The following TTN variants were observed in gnomAD, a reference collection of about 807,000 sequenced individuals.
The protein encoded by TTN is titin.
TTN carries 1,525 observed loss-of-function variants against 3,223.0 expected under a neutral mutation model. The ratio of observed to expected loss-of-function variants is 0.47; its 90% CI spans 0.45 to 0.49. The LOEUF (loss-of-function observed/expected upper bound fraction) is 0.49. TTN is among the 20% of genes least tolerant of loss of function. The pLI is 0.00. For missense variants in TTN, 40,786 were observed against 43,424.0 expected (o/e 0.94, Z 5.40); for synonymous variants, 14,094 against 15,161.0 (o/e 0.93, Z 5.17).
chr2:178,745,271 G>C, intron 47 of TTN: 3 of 1,182,944 alleles, frequency 2.5e-6, no homozygotes, highest in Non-Finnish European at 3.2e-6. Flanking sequence ...CCATTCCACT[G>C]AAACACTTTG....
In TTN at chr2:178,732,105, C is replaced by A. The variant is rs1212075565; in HGVS notation, c.16864G>T (p.Ala5622Ser). 11 of 1,612,596 alleles carry A rather than the reference C, an allele frequency of 6.8e-6. No individual in the cohort carries two copies. The highest frequency in any genetic ancestry group is 2.2e-5 in the East Asian group (1 of 44,864). ...GEYMCEAQNEAGSDHCSSIVI... is the reference protein window; with the variant it reads ...GEYMCEAQNESGSDHCSSIVI... Reference sequence around the variant, plus strand: ...ATGCTACTGCAGTGGTCACTGCCAGCCTCATTTTGGGCCTCACACATATAT... The same window carrying A: ...ATGCTACTGCAGTGGTCACTGCCAGACTCATTTTGGGCCTCACACATATAT... Residue 5622 changes from alanine to serine, a missense_variant, in exon 57 of 363, where the codon GCT becomes TCT. Transcript: ENST00000589042.
chr2:178,622,739 G>A lies in TTN; in HGVS notation c.44844C>T (p.Leu14948=). 1 of 1,604,806 alleles carries A rather than the reference G, an allele frequency of 6.2e-7. No individual in the cohort carries two copies. Among genetic ancestry groups the A allele is most frequent in the East Asian group, 2.3e-5 (1 of 44,368 alleles). ...VPPHVEFLRP[L]TDLQVREKEM... ...CTTTTTCTCTAACTTGAAGGTCGGT[G>A]AGTGGTCTTAAGAATTCCACATGAG... Residue 14948 remains leucine (L), a synonymous_variant, in exon 243 of 363, where the codon CTC becomes CTT. Coordinates refer to ENST00000589042, the MANE Select transcript of TTN (RefSeq NM_001267550.2).
At position 178,576,514 on chromosome 2, in the gene TTN, AAGAC is replaced by A. The variant is rs1300822971; in HGVS notation, c.69715+11_69715+14del. 6.8e-6 allele frequency: 11 copies of A among 1,609,322 alleles called. No homozygotes were observed. The Admixed American group carries it at 1.9e-4, about 27-fold the overall frequency. ...CACTCTGGAATGAACGGTGTTGAAA[AAGAC>A]AAATACTAACATGCTGCATCTTTCA... On this transcript the variant is annotated intron_variant, in intron 325 of 362. Transcript: ENST00000589042. This position sits in a 1 kb window ranked among gnomAD's most constrained non-coding sequence, Gnocchi z 4.3.
intron 119 of TTN, among the ~76,000 whole-genome samples, chr2:178,693,372 G>C (rs2072923319): frequency 6.6e-6 from 1 of 151,956 alleles, no homozygotes; most frequent in South Asian, 2.1e-4. Context: ...CAAGTAACAG[G>C]TTACGAGATT....
rs748670245 is a variant in TTN, at chr2:178,569,888, A to G, written c.76244T>C (p.Ile25415Thr). 4 of 1,613,410 alleles carry G rather than the reference A, an allele frequency of 2.5e-6. No individual in the cohort carries two copies. Among genetic ancestry groups the G allele is most frequent in the South Asian group, 1.1e-5 (1 of 91,062 alleles). ...GAATACTGAAGATCTGGTTATGTCTATGACTTTGGGGTTGTTTGGGGGTCC... is the reference window on the plus strand; with the variant it reads ...GAATACTGAAGATCTGGTTATGTCTGTGACTTTGGGGTTGTTTGGGGGTCC... ...KPGPPNNPKVIDITRSSVFLS... is the reference protein window; with the variant it reads ...KPGPPNNPKVTDITRSSVFLS... Residue 25415 changes from isoleucine (I) to threonine (T), a missense_variant, in exon 326 of 363, where the codon ATA (isoleucine) becomes ACA (threonine). Coordinates refer to ENST00000589042, the MANE Select transcript of TTN (RefSeq NM_001267550.2).
In TTN at chr2:178,702,474, T is replaced by C; in HGVS notation, c.30413A>G (p.Asn10138Ser). The C allele has an allele frequency of 6.2e-7, 1 of 1,613,908 alleles. No individual in the cohort carries two copies. Among genetic ancestry groups the C allele is most frequent in the South Asian group, 1.1e-5 (1 of 91,078 alleles). ...DGRCHYMTIH[N>S]VTPDDEGVYS... ...ATCACCTTCATCGTCTGGGGTCACA[T>C]TGTGGATGGTCATATAATGGCAGCG... The change falls in exon 107 of 363, where the codon AAT becomes AGT. Residue 10138 changes from asparagine (N) to serine (S), a missense_variant. Coordinates refer to ENST00000589042, the MANE Select transcript of TTN (RefSeq NM_001267550.2).
chr2:178,601,697 C>A lies in TTN; in HGVS notation c.55393G>T (p.Ala18465Ser), dbSNP rs899078606. 3.0e-5 allele frequency: 48 copies of A among 1,608,384 alleles called. No individual in the cohort carries two copies. The highest frequency in any genetic ancestry group is 4.0e-5 in the Non-Finnish European group (47 of 1,178,250). The change falls in exon 286 of 363, where the codon GCA becomes TCA. Residue 18465 changes from alanine to serine, a missense_variant. Transcript: ENST00000589042. ...GKYSITAKNKAGQKTANCRVK... is the reference protein window; with the variant it reads ...GKYSITAKNKSGQKTANCRVK... ...CTGCAATTTGCAGTCTTTTGTCCTG[C>A]TTTATTCTTGGCTGTGATGCTGTAT...
intron 49 of TTN, among the ~76,000 whole-genome samples, chr2:178,737,127 G>A (rs1260770250): frequency 6.6e-6 from 1 of 151,632 alleles, no homozygotes; most frequent in Non-Finnish European, 1.5e-5. Context: ...GAGGGAAGGA[G>A]GGAAGGAAGG....
chr2:178,587,306 A>T lies in TTN; in HGVS notation c.63905T>A (p.Ile21302Asn), dbSNP rs1228375240. ...NDGGSQVTHY[I>N]VEKREADRKT... Reference sequence around the variant, plus strand: ...TCTGTCTGCCTCACGTTTCTCCACGATATAATGTGTCACTTGGCTCCCACC... The same window carrying T: ...TCTGTCTGCCTCACGTTTCTCCACGTTATAATGTGTCACTTGGCTCCCACC... The change falls in exon 307 of 363, where the codon ATC becomes AAC. Residue 21302 changes from isoleucine (I) to asparagine (N), a missense_variant. Transcript: ENST00000589042. The T allele has an allele frequency of 6.2e-7, 1 of 1,612,896 alleles. No homozygotes were observed. The highest frequency in any genetic ancestry group is 8.5e-7 in the Non-Finnish European group (1 of 1,179,464).
chr2:178,777,303 C>A lies in TTN; in HGVS notation c.4660G>T (p.Val1554Leu). 1 of 1,613,798 alleles carries A rather than the reference C, an allele frequency of 6.2e-7. No individual in the cohort carries two copies. The highest frequency in any genetic ancestry group is 8.5e-7 in the Non-Finnish European group (1 of 1,179,934). Residue 1554 changes from valine (V) to leucine (L), a missense_variant, in exon 27 of 363, where the codon GTA (valine) becomes TTA (leucine). Val to Leu is a conservative substitution (Grantham distance 32). Coordinates refer to ENST00000589042, the MANE Select transcript of TTN (RefSeq NM_001267550.2). ...AGTTTTTCTACAAACATCGGTTTTA[C>A]CTGATGTTCCACAGCTGAAAGAGAA... ...ILTVEAVEHQVKPMFVEKLKN... is the reference protein window; with the variant it reads ...ILTVEAVEHQLKPMFVEKLKN...
chr2:178,698,603 A>G (rs762998420), intron 112 of TTN, among the ~76,000 whole-genome samples: 4 of 152,188 alleles, frequency 2.6e-5, no homozygotes, highest in Non-Finnish European at 5.9e-5. Flanking sequence ...AGAAATAACC[A>G]GAATACACTG....
At chr2:178,723,350 T>TAAACACAAGAA in intron 74 of TTN, 26 bp from the exon 75 acceptor site, 1 of 1,605,318 alleles carries the variant, frequency 6.2e-7, no homozygotes, top group Non-Finnish European at 8.5e-7. Context: ...GCACAGCAGT[T>TAAACACAAGAA]AAACACAAGA....
intron 210 of TTN, 107 bp downstream of exon 210, chr2:178,650,057 G>T: frequency 7.6e-7 from 1 of 1,317,164 alleles, no homozygotes. Context: ...AATGTAGTCA[G>T]ATTTCAGGCA....
Position 178,588,200 on chromosome 2 carries a change from G to GGTTGGTGT in TTN, c.63206_63207insACACCAAC (p.Asn21070HisfsTer15). On this transcript the variant is annotated frameshift_variant, in exon 305 of 363. Coordinates refer to ENST00000589042, the MANE Select transcript of TTN (RefSeq NM_001267550.2). LOFTEE classifies it high-confidence loss of function. The stretch of plus-strand genomic sequence containing the variant: ...TGGTTGTATCAACCACTCTGAAATT[G>GGTTGGTGT]GTTGGTGGACCAGGTGGCTCTGAAA... The GGTTGGTGT allele has an allele frequency of 6.3e-7, 1 of 1,580,274 alleles. No homozygotes were observed. The highest frequency in any genetic ancestry group is 8.6e-7 in the Non-Finnish European group (1 of 1,158,568).
intron 79 of TTN, 70 bp from the exon 80 acceptor site, chr2:178,720,733 A>G (rs2078225090): frequency 2.8e-6 from 4 of 1,452,196 alleles, no homozygotes; most frequent in Non-Finnish European, 3.6e-6. Context: ...TTAAATCTAG[A>G]ACCTTGAAGA....
chr2:178,751,565 C>G, intron 47 of TTN: 1 of 1,613,208 alleles, frequency 6.2e-7, no homozygotes, highest in Non-Finnish European at 8.5e-7. Flanking sequence ...CCGTTCTGCT[C>G]TTTTCAGAAA....
chr2:178,578,243 T>C, intron 321 of TTN, 58 bp from the exon 322 acceptor site: 5 of 1,437,224 alleles, frequency 3.5e-6, no homozygotes, highest in Non-Finnish European at 4.8e-6. Context: ...ACAATATATA[T>C]GTGTTGCCCA....
chr2:178,777,789 A>G lies in TTN; in HGVS notation c.4395T>C (p.Ser1465=), dbSNP rs2092385919. Reference sequence around the variant, plus strand: ...CAGTTTGCCCTTCTAAACATTTGAAAGAAACAGGTTTTAACACAAAGACTG... The same window carrying G: ...CAGTTTGCCCTTCTAAACATTTGAAGGAAACAGGTTTTAACACAAAGACTG... ...YKPVFVLKPV[S]FKCLEGQTAR... The change falls in exon 25 of 363, where the codon TCT becomes TCC. Residue 1465 remains serine (S), a synonymous_variant. Transcript: ENST00000589042. 1 of 1,613,960 alleles carries G rather than the reference A, an allele frequency of 6.2e-7. No individual in the cohort carries two copies. Among genetic ancestry groups the G allele is most frequent in the African/African-American group, 1.3e-5 (1 of 74,924 alleles).
At chr2:178,581,365 C>T in intron 316 of TTN, 134 bp downstream of exon 316, 1 of 616,120 alleles carries the variant, frequency 1.6e-6, no homozygotes. Context: ...CCACCCAGCT[C>T]TCCTAAAAAG....
Sources: allele counts gnomAD v4.1 joint callset (sites outside exome capture counted in the v4.1 genomes callset), GRCh38; gene constraint gnomAD v4.1.1; non-coding constraint Gnocchi (gnomAD v3.1); transcripts MANE v1.5; gene names NCBI Gene and HGNC (gene_info 2026-07-23, HGNC 2026-07-21).